Variants in SNX29 observed in about 807,000 individuals in gnomAD.
The protein encoded by SNX29 is sorting nexin-29.
Under a neutral mutation model 102.1 loss-of-function variants are expected in SNX29, and 78 were observed. That is an observed-to-expected ratio of 0.76 (90% confidence interval 0.64 to 0.92). The LOEUF (loss-of-function observed/expected upper bound fraction) is 0.92, where lower values mean the gene tolerates loss of function less well. SNX29 is among the 40% of genes least tolerant of loss of function. The pLI, the probability that SNX29 is intolerant of heterozygous loss-of-function variation, is 0.00. For missense variants in SNX29, 1,280 were observed against 1,061.7 expected (o/e 1.21, Z -2.86); for synonymous variants, 580 against 414.5 (o/e 1.40, Z -4.85).
chr16:12,078,820 T>C lies in SNX29; in HGVS notation c.1320-13T>C, dbSNP rs1274643081. The C allele has an allele frequency of 6.3e-7, 1 of 1,592,182 alleles. No individual in the cohort carries two copies. Among genetic ancestry groups the C allele is most frequent in the Non-Finnish European group, 8.6e-7 (1 of 1,169,234 alleles). ...TGGCCGAGTGTAACTTCCTCCTGCC[T>C]GCTTTTTCCTAGTGTGGAAGCCAGC... On this transcript the variant is annotated splice_polypyrimidine_tract_variant and intron_variant, in intron 10 of 20. Transcript: ENST00000566228.
intron 19 of SNX29, among the ~76,000 whole-genome samples, chr16:12,483,669 C>A (rs772599138): frequency 1.3e-5 from 2 of 152,126 alleles, no homozygotes; most frequent in African/African-American, 4.8e-5. Flanking sequence ...GGTAACAATT[C>A]CAAGATCTTG....
intron 18 of SNX29, among the ~76,000 whole-genome samples, chr16:12,468,267 C>A (rs2087163962): frequency 6.7e-6 from 1 of 149,094 alleles, no homozygotes; most frequent in Admixed American, 6.8e-5. Flanking sequence ...CTCTGCCTCC[C>A]AGTTTCAGGC....
chr16:12,071,178 A>G (rs1438266170), intron 10 of SNX29, among the ~76,000 whole-genome samples: 1 of 151,272 alleles, frequency 6.6e-6, no homozygotes. Context: ...GTTTAATTAG[A>G]TCCCATTTGT....
chr16:12,004,860 T>C (rs1007201973), intron 3 of SNX29, among the ~76,000 whole-genome samples: 1 of 152,254 alleles, frequency 6.6e-6, no homozygotes, highest in African/African-American at 2.4e-5. Flanking sequence ...TCCAACAAAC[T>C]ATATATACAT....
At chr16:12,263,754 A>G (rs1383814042) in intron 14 of SNX29, among the ~76,000 whole-genome samples, 1 of 152,176 alleles carries the variant, frequency 6.6e-6, no homozygotes, top group African/African-American at 2.4e-5. Flanking sequence ...GTCTTTGTTG[A>G]CTGATACATA....
At chr16:11,989,853 C>T (rs1381162025) in intron 1 of SNX29, among the ~76,000 whole-genome samples, 2 of 152,238 alleles carry the variant, frequency 1.3e-5, no homozygotes, top group African/African-American at 4.8e-5. Flanking sequence ...TGCAGGAAGG[C>T]TTCTCTGAGA....
chr16:12,060,169 C>T (rs2050713471), intron 8 of SNX29, among the ~76,000 whole-genome samples: 1 of 151,908 alleles, frequency 6.6e-6, no homozygotes, highest in African/African-American at 2.4e-5. Flanking sequence ...AAAAATAATA[C>T]AATAAAAATA....
chr16:11,978,053 A>T (rs533079785), intron 1 of SNX29, among the ~76,000 whole-genome samples: 1 of 152,254 alleles, frequency 6.6e-6, no homozygotes, highest in South Asian at 2.1e-4. Flanking sequence ...TTTTAAAGTT[A>T]TCTCTGTGGA....
chr16:12,340,904 T>G (rs991343768), intron 15 of SNX29, among the ~76,000 whole-genome samples: 1 of 152,162 alleles, frequency 6.6e-6, no homozygotes, highest in Admixed American at 6.5e-5. Flanking sequence ...GGGGCCCCTA[T>G]CCTTTGTCTG....
chr16:12,534,112 A>C (rs536202929), intron 20 of SNX29, among the ~76,000 whole-genome samples: 3 of 152,324 alleles, frequency 2.0e-5, no homozygotes, highest in South Asian at 2.1e-4. Flanking sequence ...CGCGATGACA[A>C]GGTGCTAACC....
At chr16:11,987,948 G>C (rs1490050181) in intron 1 of SNX29, among the ~76,000 whole-genome samples, 1 of 152,156 alleles carries the variant, frequency 6.6e-6, no homozygotes, top group African/African-American at 2.4e-5. Flanking sequence ...GTTACCAGTG[G>C]TGTGTACTTG....
intron 11 of SNX29, chr16:12,093,828 A>G (rs574715943): frequency 1.3e-5 from 2 of 152,338 alleles, no homozygotes; most frequent in South Asian, 2.1e-4. Context: ...GTTTGTGCAC[A>G]TACGTGGATT....
At chr16:12,517,484 C>T (rs1276348410) in intron 19 of SNX29, among the ~76,000 whole-genome samples, 2 of 152,348 alleles carry the variant, frequency 1.3e-5, no homozygotes, top group East Asian at 3.9e-4. Flanking sequence ...CACTCCACCA[C>T]CAGGGATCTT....
chr16:12,337,214 T>C (rs552565292), intron 15 of SNX29, among the ~76,000 whole-genome samples: 4 of 152,322 alleles, frequency 2.6e-5, no homozygotes, highest in African/African-American at 9.6e-5. Flanking sequence ...GAGGTTCCTT[T>C]TATGTCACAC....
At chr16:12,352,791 G>A (rs2082023625) in intron 15 of SNX29, among the ~76,000 whole-genome samples, 1 of 152,136 alleles carries the variant, frequency 6.6e-6, no homozygotes, top group Admixed American at 6.5e-5. Context: ...CCTGGTCTTT[G>A]TATCTCCACC....
chr16:12,561,650 C>G (rs557347468), intron 20 of SNX29, among the ~76,000 whole-genome samples: 3 of 152,218 alleles, frequency 2.0e-5, no homozygotes, highest in South Asian at 2.1e-4. Context: ...AACAGCCACT[C>G]CTGGGGCCCT....
At chr16:12,299,475 G>T (rs1477309164) in intron 15 of SNX29, among the ~76,000 whole-genome samples, 1 of 152,186 alleles carries the variant, frequency 6.6e-6, no homozygotes, top group Non-Finnish European at 1.5e-5. Flanking sequence ...ATCAAAGCAA[G>T]GAAGCTGAGG....
intron 13 of SNX29, among the ~76,000 whole-genome samples, chr16:12,147,487 G>C (rs2055113315): frequency 6.6e-6 from 1 of 152,182 alleles, no homozygotes; most frequent in African/African-American, 2.4e-5. Flanking sequence ...GAGGTGTCTA[G>C]AGAGAAAGAA....
chr16:12,044,462 A>G (rs1490296574), intron 5 of SNX29, among the ~76,000 whole-genome samples: 1 of 152,212 alleles, frequency 6.6e-6, no homozygotes, highest in African/African-American at 2.4e-5. Flanking sequence ...CTTGGGAACC[A>G]GGAGGACTGA....
Sources: allele counts gnomAD v4.1 joint callset (sites outside exome capture counted in the v4.1 genomes callset), GRCh38; gene constraint gnomAD v4.1.1; transcripts MANE v1.5; gene names NCBI Gene and HGNC (gene_info 2026-07-23, HGNC 2026-07-21).